Variants in PTPRG observed in about 807,000 individuals in gnomAD.
PTPRG encodes protein tyrosine phosphatase receptor type G, also known as receptor-type tyrosine-protein phosphatase gamma.
PTPRG carries 102 observed loss-of-function variants against 165.3 expected under a neutral mutation model. The observed-to-expected ratio is 0.62, with a 90% CI of 0.53 to 0.73. The LOEUF (loss-of-function observed/expected upper bound fraction) is 0.73, where lower values mean the gene tolerates loss of function less well. PTPRG is among the 30% of genes least tolerant of loss of function. The pLI is 0.00. For missense variants in PTPRG, 1,866 were observed against 1,861.4 expected, an observed-to-expected ratio of 1.00 and a Z score of -0.05; for synonymous variants, 675 against 669.5, an observed-to-expected ratio of 1.01 and a Z score of -0.13.
intron 14 of PTPRG, among the ~76,000 whole-genome samples, chr3:62,231,939 T>C (rs1375464787): frequency 6.6e-6 from 1 of 152,146 alleles, no homozygotes; most frequent in Non-Finnish European, 1.5e-5. Flanking sequence ...TTGTACAGTT[T>C]TAATCACCAC....
At chr3:61,739,857 A>G (rs1489055756) in intron 1 of PTPRG, among the ~76,000 whole-genome samples, 1 of 152,236 alleles carries the variant, frequency 6.6e-6, no homozygotes, top group Non-Finnish European at 1.5e-5. Context: ...ACTCTTCTCT[A>G]AAGAGCTACT....
At position 61,601,513 on chromosome 3, in the gene PTPRG, G is replaced by A. The variant is rs375735770; in HGVS notation, c.85+39141G>A. On this transcript the variant is annotated intron_variant, in intron 1 of 29. Coordinates refer to ENST00000474889, the MANE Select transcript of PTPRG (RefSeq NM_002841.4). ...TTTATGGGCTCAAATCAGTGTTGAT[G>A]GTGTATTCTTTTGTTCACTTATTCA... Among the ~76,000 whole-genome samples, 44 of 152,228 alleles carry A rather than the reference G, an allele frequency of 2.9e-4. No homozygotes were observed. The South Asian group carries it at 8.3e-3, about 29-fold the overall frequency.
intron 1 of PTPRG, among the ~76,000 whole-genome samples, chr3:61,597,598 T>C (rs1218145533): frequency 6.6e-6 from 1 of 152,220 alleles, no homozygotes; most frequent in Admixed American, 6.5e-5. Flanking sequence ...TTTTACCATG[T>C]AGGATTTGGT....
At chr3:61,812,858 A>G (rs2035629293) in intron 2 of PTPRG, among the ~76,000 whole-genome samples, 1 of 152,246 alleles carries the variant, frequency 6.6e-6, no homozygotes, top group African/African-American at 2.4e-5. Context: ...TGCTGGTTTG[A>G]TGAATATTTA....
At chr3:62,004,569 G>A (rs539435468) in intron 4 of PTPRG, among the ~76,000 whole-genome samples, 1 of 152,210 alleles carries the variant, frequency 6.6e-6, no homozygotes, top group East Asian at 1.9e-4. Context: ...TTAGTCAGTC[G>A]GGGAGCTGGA....
chr3:62,191,217 C>T (rs966981416), intron 8 of PTPRG, among the ~76,000 whole-genome samples: 2 of 149,036 alleles, frequency 1.3e-5, no homozygotes, highest in Non-Finnish European at 3.0e-5. Flanking sequence ...GTCCCGTGCA[C>T]GTGTGTGTGC....
intron 4 of PTPRG, among the ~76,000 whole-genome samples, chr3:62,075,219 A>G (rs1701344556): frequency 6.6e-6 from 1 of 152,228 alleles, no homozygotes; most frequent in Non-Finnish European, 1.5e-5. Flanking sequence ...TATTCGGGTG[A>G]TGCATTAAAC....
intron 2 of PTPRG, among the ~76,000 whole-genome samples, chr3:61,839,434 G>A (rs1453197840): frequency 1.3e-5 from 2 of 152,104 alleles, no homozygotes; most frequent in Non-Finnish European, 2.9e-5. Context: ...GAAGATAAAT[G>A]CAAAAACAAA....
intron 2 of PTPRG, among the ~76,000 whole-genome samples, chr3:61,978,257 GT>G (rs1448514444): frequency 6.6e-6 from 1 of 152,232 alleles, no homozygotes; most frequent in Non-Finnish European, 1.5e-5. Context: ...GTCTTTTGAT[GT>G]TTTTTACCGT....
At chr3:61,966,602 C>T (rs2040277383) in intron 2 of PTPRG, among the ~76,000 whole-genome samples, 1 of 152,134 alleles carries the variant, frequency 6.6e-6, no homozygotes, top group African/African-American at 2.4e-5. Flanking sequence ...CTAGGACCCA[C>T]TGACTTAGTT....
chr3:61,570,235 C>G (rs1700025338), intron 1 of PTPRG, among the ~76,000 whole-genome samples: 1 of 150,854 alleles, frequency 6.6e-6, no homozygotes, highest in Admixed American at 6.6e-5. Context: ...AACACTGATG[C>G]ACACCTCGTA....
Position 62,294,289 on chromosome 3 carries a change from C to T in PTPRG, c.*982C>T, listed in dbSNP as rs1471244725. On this transcript the variant is annotated 3_prime_UTR_variant, in exon 30 of 30. Coordinates refer to ENST00000474889, the MANE Select transcript of PTPRG (RefSeq NM_002841.4). ...CCTATAGCAATCTAATAAAAACTACCTACATAGTTACTGTTTTCTTTCCTT... is the reference window on the plus strand; with the variant it reads ...CCTATAGCAATCTAATAAAAACTACTTACATAGTTACTGTTTTCTTTCCTT... The T allele has an allele frequency of 6.6e-6, 1 of 152,024 alleles. No individual in the cohort carries two copies. The highest frequency in any genetic ancestry group is 1.5e-5 in the Non-Finnish European group (1 of 67,986). 9.4% of individuals were successfully genotyped at this position (152,024 alleles called of 1,614,324 possible).
intron 1 of PTPRG, among the ~76,000 whole-genome samples, chr3:61,741,523 C>G (rs2032984226): frequency 6.6e-6 from 1 of 152,336 alleles, no homozygotes; most frequent in Non-Finnish European, 1.5e-5. Flanking sequence ...ATTGGACATA[C>G]AGTTAATGAG....
At chr3:62,035,868 G>A (rs995268670) in intron 4 of PTPRG, among the ~76,000 whole-genome samples, 1 of 152,154 alleles carries the variant, frequency 6.6e-6, no homozygotes. Context: ...TAATACCTAA[G>A]CCTTACATGG....
At chr3:62,081,509 A>G (rs1701580595) in intron 5 of PTPRG, among the ~76,000 whole-genome samples, 1 of 151,912 alleles carries the variant, frequency 6.6e-6, no homozygotes, top group East Asian at 2.0e-4. Context: ...ATGTCCGGCT[A>G]ATTTTCTTAT....
chr3:62,284,401 T>C (rs539463467), intron 28 of PTPRG, among the ~76,000 whole-genome samples: 1 of 152,168 alleles, frequency 6.6e-6, no homozygotes, highest in African/African-American at 2.4e-5. Flanking sequence ...TAGGCCTGTA[T>C]ACAAAAAGAG....
intron 2 of PTPRG, among the ~76,000 whole-genome samples, chr3:61,794,598 T>C (rs912982644): frequency 2.0e-5 from 3 of 152,262 alleles, no homozygotes; most frequent in Admixed American, 6.5e-5. Flanking sequence ...CATGCTTTGC[T>C]TACACCAGAG....
At chr3:61,825,668 A>G (rs1318340175) in intron 2 of PTPRG, among the ~76,000 whole-genome samples, 3 of 151,500 alleles carry the variant, frequency 2.0e-5, no homozygotes, top group Non-Finnish European at 4.4e-5. Flanking sequence ...TTTTTGAGAC[A>G]GGTTCTCGCT....
chr3:61,985,301 C>G (rs2040732150), intron 2 of PTPRG, among the ~76,000 whole-genome samples: 1 of 152,158 alleles, frequency 6.6e-6, no homozygotes, highest in South Asian at 2.1e-4. Flanking sequence ...GGTGGGGCCC[C>G]TCCTCTCCCT....
Sources: allele counts gnomAD v4.1 joint callset (sites outside exome capture counted in the v4.1 genomes callset), GRCh38; gene constraint gnomAD v4.1.1; transcripts MANE v1.5; gene names NCBI Gene and HGNC (gene_info 2026-07-23, HGNC 2026-07-21).